Variants in HDAC8 observed in about 807,000 individuals in gnomAD.
HDAC8 encodes histone deacetylase-like 1.
In HDAC8, 1 loss-of-function variant was observed where a neutral mutation model predicts 32.2. That is an observed-to-expected ratio of 0.03 (90% CI 0.01 to 0.15). HDAC8 has a LOEUF of 0.15. HDAC8 is among the 10% of genes least tolerant of loss of function. The pLI is 1.00. For synonymous variants in HDAC8, 108 were observed against 113.9 expected, an observed-to-expected ratio of 0.95 and a Z score of 0.33; for missense variants, 117 against 300.0, an observed-to-expected ratio of 0.39 and a Z score of 4.51.
chrX:72,534,310 TATATA>T (rs2050448286), intron 4 of HDAC8, among the ~76,000 whole-genome samples: 1 of 97,277 alleles, frequency 1.0e-5, no homozygotes, highest in East Asian at 3.3e-4. Context: ...TGTATATATA[TATATA>T]TTTTTTTTTT....
intron 4 of HDAC8, among the ~76,000 whole-genome samples, chrX:72,558,085 T>TAAC (rs782627799): frequency 1.8e-5 from 2 of 111,375 alleles, no homozygotes; most frequent in South Asian, 3.7e-4. Context: ...ATTGAAATGG[T>TAAC]AACAACAACA....
At chrX:72,495,523 T>G (rs1253810396) in intron 4 of HDAC8, among the ~76,000 whole-genome samples, 1 of 112,082 alleles carries the variant, frequency 8.9e-6, no homozygotes, top group African/African-American at 3.2e-5. Context: ...CATTAGAATA[T>G]TATAACTATA....
intron 7 of HDAC8, among the ~76,000 whole-genome samples, chrX:72,482,907 T>C (rs192433872): frequency 1.8e-5 from 2 of 111,747 alleles, no homozygotes; most frequent in Admixed American, 1.9e-4. Flanking sequence ...GTAGGTATTA[T>C]AGATTGCGGC....
chrX:72,495,046 T>C (rs1249031466), intron 5 of HDAC8, 110 bp downstream of exon 5: 10 of 494,299 alleles, frequency 2.0e-5, no homozygotes, highest in Non-Finnish European at 3.3e-5. Context: ...AATTCTCAAT[T>C]AGGAAAATTT....
chrX:72,490,776 TCTC>T (rs1451907111), intron 6 of HDAC8, 150 bp downstream of exon 6: 22 of 427,734 alleles, frequency 5.1e-5, no homozygotes, highest in Admixed American at 8.4e-5. Flanking sequence ...TACAAAATTA[TCTC>T]CTATCTGAAT....
intron 4 of HDAC8, among the ~76,000 whole-genome samples, chrX:72,535,319 A>C (rs1422688413): frequency 2.7e-5 from 3 of 111,891 alleles, no homozygotes; most frequent in Non-Finnish European, 5.6e-5. Flanking sequence ...GAGGCATACC[A>C]GAGATAGAAA....
At chrX:72,438,676 T>C (rs1367057272) in intron 9 of HDAC8, among the ~76,000 whole-genome samples, 1 of 110,629 alleles carries the variant, frequency 9.0e-6, no homozygotes, top group African/African-American at 3.3e-5. Flanking sequence ...TACACAAGTA[T>C]CAATAGCTGA....
At chrX:72,505,935 A>C (rs1475949636) in intron 4 of HDAC8, among the ~76,000 whole-genome samples, 2 of 111,923 alleles carry the variant, frequency 1.8e-5, no homozygotes, top group African/African-American at 6.5e-5. Flanking sequence ...ATATCTTGCT[A>C]ATATCCTCCA....
chrX:72,390,490 A>G (rs2045584637), intron 9 of HDAC8, among the ~76,000 whole-genome samples: 1 of 112,106 alleles, frequency 8.9e-6, no homozygotes, highest in South Asian at 3.7e-4. Flanking sequence ...GTGTATAGCT[A>G]TTTTATTTAC....
intron 1 of HDAC8, 166 bp downstream of exon 1, chrX:72,572,485 A>G (rs2052129749): frequency 2.3e-6 from 1 of 443,187 alleles, no homozygotes; most frequent in Non-Finnish European, 3.9e-6. Context: ...CAGAAACGAT[A>G]TGAGAACACT....
intron 9 of HDAC8, among the ~76,000 whole-genome samples, chrX:72,432,809 T>A (rs1403386937): frequency 8.1e-5 from 9 of 111,601 alleles, no homozygotes; most frequent in African/African-American, 2.9e-4. Context: ...TCTACACTGT[T>A]CACCATTGTA....
chrX:72,360,214 G>T (rs782773717), intron 9 of HDAC8, among the ~76,000 whole-genome samples: 11 of 108,792 alleles, frequency 1.0e-4, no homozygotes, highest in Non-Finnish European at 1.7e-4. Context: ...AATTAGCCAG[G>T]TGTGGTGCCG....
At chrX:72,493,860 C>G (rs1048753917) in intron 5 of HDAC8, among the ~76,000 whole-genome samples, 3 of 110,927 alleles carry the variant, frequency 2.7e-5, no homozygotes, top group African/African-American at 9.8e-5. Context: ...CCAAACTCAG[C>G]TAATTTTTTT....
At chrX:72,469,806 G>T (rs2148058627) in intron 7 of HDAC8, among the ~76,000 whole-genome samples, 1 of 111,575 alleles carries the variant, frequency 9.0e-6, no homozygotes, top group South Asian at 3.9e-4. Flanking sequence ...ACAGCAGCTA[G>T]TCTAATTTTT....
intron 9 of HDAC8, among the ~76,000 whole-genome samples, chrX:72,394,577 C>A (rs374905242): frequency 8.9e-6 from 1 of 112,178 alleles, no homozygotes; most frequent in Non-Finnish European, 1.9e-5. Flanking sequence ...AACTGGACTG[C>A]GGAAATAAGA....
At chrX:72,358,724 A>G (rs1017233876) in intron 9 of HDAC8, among the ~76,000 whole-genome samples, 2 of 112,352 alleles carry the variant, frequency 1.8e-5, no homozygotes, top group Non-Finnish European at 3.8e-5. Context: ...GCAGTCCCCA[A>G]CCTTTTTGGC....
chrX:72,500,509 C>T (rs1216798007), intron 4 of HDAC8, among the ~76,000 whole-genome samples: 3 of 111,978 alleles, frequency 2.7e-5, no homozygotes, highest in Middle Eastern at 4.6e-3. Context: ...ATCACATAAA[C>T]AGAACTAAAG....
chrX:72,453,514 A>AAGAG (rs781840719), intron 9 of HDAC8, among the ~76,000 whole-genome samples: 2 of 110,346 alleles, frequency 1.8e-5, no homozygotes, highest in Non-Finnish European at 3.8e-5. Flanking sequence ...GAAAGAAAGA[A>AAGAG]AGAAAGAAAA....
chrX:72,519,743 C>T (rs1428323588), intron 4 of HDAC8, among the ~76,000 whole-genome samples: 1 of 110,860 alleles, frequency 9.0e-6, no homozygotes, highest in Admixed American at 9.6e-5. Context: ...GAATGTGCCA[C>T]CACACCCAGC....
Sources: allele counts gnomAD v4.1 joint callset (sites outside exome capture counted in the v4.1 genomes callset), GRCh38; gene constraint gnomAD v4.1.1; transcripts MANE v1.5; gene names NCBI Gene and HGNC (gene_info 2026-07-23, HGNC 2026-07-21).